LYST: variants seen among roughly 807,000 people sequenced by gnomAD.
The protein encoded by LYST is lysosomal-trafficking regulator.
LYST carries 192 observed loss-of-function variants against 413.6 expected under a neutral mutation model. That is an observed-to-expected ratio of 0.46 (90% CI 0.41 to 0.52). LYST has a LOEUF of 0.52. Among genes scored for constraint, LYST ranks in the 20% least tolerant of loss-of-function variants. LYST has a pLI of 0.00. For synonymous variants in LYST, 1,525 were observed against 1,567.3 expected (o/e 0.97, Z 0.64); for missense variants, 3,815 against 4,499.9 (o/e 0.85, Z 4.35).
At chr1:235,797,750 C>A (rs1476137316) in intron 10 of LYST, among the ~76,000 whole-genome samples, 1 of 151,852 alleles carries the variant, frequency 6.6e-6, no homozygotes, top group Non-Finnish European at 1.5e-5. Flanking sequence ...AAAGGTACAG[C>A]AAACTAAATA....
intron 1 of LYST, among the ~76,000 whole-genome samples, chr1:235,863,149 G>T (rs1346286915): frequency 6.6e-6 from 1 of 152,074 alleles, no homozygotes; most frequent in South Asian, 2.1e-4. Context: ...TCCAGGCACA[G>T]TTGGGGGCCG....
rs533978570 is a variant in LYST at position 235,773,883 on chromosome 1, C to T, written c.5743G>A (p.Glu1915Lys). The change falls in exon 19 of 53, where the codon GAG becomes AAG. Residue 1915 changes from glutamate (E) to lysine (K), a missense_variant. Glu to Lys is a moderately conservative substitution (Grantham distance 56). Around this residue, in one of 4 missense-constraint regions of LYST, gnomAD observed 530 missense variants for 696.5 expected, o/e 0.76. Coordinates refer to ENST00000389793, the MANE Select transcript of LYST (RefSeq NM_000081.4). Reference sequence around the variant, plus strand: ...ATCTTCCAGTCAAGCAATAGTTCCTCTAACAGCTTAACATCTTGGATTATA... The same window carrying T: ...ATCTTCCAGTCAAGCAATAGTTCCTTTAACAGCTTAACATCTTGGATTATA... ...NAIIQDVKLLEELLLDWKIWS... is the reference protein window; with the variant it reads ...NAIIQDVKLLKELLLDWKIWS... 2.5e-6 allele frequency: 4 copies of T among 1,612,162 alleles called. No homozygotes were observed. Among genetic ancestry groups the T allele is most frequent in the Non-Finnish European group, 3.4e-6 (4 of 1,178,360 alleles).
At chr1:235,736,561 G>A (rs182605887) in intron 31 of LYST, 3 of 152,254 alleles carry the variant, frequency 2.0e-5, no homozygotes, top group African/African-American at 7.2e-5. Flanking sequence ...TCAGCAGGCT[G>A]GAGAGTTAAT....
At chr1:235,745,929 A>G (rs1402314411) in intron 29 of LYST, among the ~76,000 whole-genome samples, 2 of 152,128 alleles carry the variant, frequency 1.3e-5, no homozygotes, top group African/African-American at 4.8e-5. Flanking sequence ...GCAATATGAG[A>G]GATCCTTGTG....
intron 31 of LYST, 38 bp from the exon 32 acceptor site, chr1:235,734,697 T>G (rs1389421320): frequency 1.4e-6 from 2 of 1,399,550 alleles, no homozygotes; most frequent in Non-Finnish European, 1.0e-6. Flanking sequence ...CATTTAGAAT[T>G]TTAATTCTTA....
intron 5 of LYST, 127 bp from the exon 6 acceptor site, chr1:235,806,899 T>C (rs904570858): frequency 3.0e-5 from 21 of 688,672 alleles, no homozygotes; most frequent in African/African-American, 1.1e-4. Context: ...ATTTTATTCA[T>C]CAATTATCAG....
chr1:235,738,627 T>G (rs754344647), intron 31 of LYST: 4 of 1,608,114 alleles, frequency 2.5e-6, no homozygotes, highest in Non-Finnish European at 3.4e-6. Flanking sequence ...TACTGGTGTC[T>G]CCCTCAAGAC....
At chr1:235,668,260 A>G (rs935526837) in intron 50 of LYST, among the ~76,000 whole-genome samples, 6 of 152,116 alleles carry the variant, frequency 3.9e-5, no homozygotes, top group African/African-American at 1.4e-4. Context: ...TAAATAGTCA[A>G]AATTTTTGAT....
intron 1 of LYST, among the ~76,000 whole-genome samples, chr1:235,863,848 A>G (rs1179649846): frequency 6.6e-6 from 1 of 152,190 alleles, no homozygotes; most frequent in Non-Finnish European, 1.5e-5. Flanking sequence ...TGCTTGGCCA[A>G]ACTTACTCAG....
intron 1 of LYST, among the ~76,000 whole-genome samples, chr1:235,873,545 C>G (rs563116848): frequency 3.3e-5 from 5 of 152,302 alleles, no homozygotes; most frequent in African/African-American, 1.2e-4. Context: ...AGTAGACACA[C>G]ACACAAACAC....
rs541955908 is a variant in LYST, at chr1:235,753,399, G to A, written c.7230-125C>T. The A allele has an allele frequency of 4.5e-6, 3 of 661,714 alleles. No homozygotes were observed. The South Asian group carries it at 5.2e-5, about 12-fold the overall frequency. The allele number at this position is 661,714 out of a possible 1,614,324, so 41.0% of individuals were successfully genotyped here. A position where few individuals can be genotyped will look rare whatever the true frequency, so the allele number is the denominator to read the frequency against. On this transcript the variant is annotated intron_variant, in intron 25 of 52. Transcript: ENST00000389793. ...CATAAAAACAAGTTGGGGGAGTAAG[G>A]ATTCTTAACCTGTTTTTAAAATGAC...
At chr1:235,701,618 ACTCAT>A (rs1661558847) in intron 45 of LYST, among the ~76,000 whole-genome samples, 1 of 152,096 alleles carries the variant, frequency 6.6e-6, no homozygotes. Flanking sequence ...ACAGAGCGAG[ACTCAT>A]CTCAATCAAT....
At chr1:235,821,208 G>T (rs547475701) in intron 3 of LYST, among the ~76,000 whole-genome samples, 13 of 152,298 alleles carry the variant, frequency 8.5e-5, no homozygotes, top group South Asian at 4.1e-4. Context: ...GAGGCCAAGG[G>T]GGGTGGTTGC....
At chr1:235,677,395 G>C in intron 49 of LYST, 85 bp downstream of exon 49, 5 of 1,369,988 alleles carry the variant, frequency 3.6e-6, no homozygotes, top group Middle Eastern at 2.2e-4. Context: ...ATAACGTAAA[G>C]ACATTATTTT....
chr1:235,693,126 T>C (rs548004390), intron 47 of LYST, among the ~76,000 whole-genome samples: 2 of 152,124 alleles, frequency 1.3e-5, no homozygotes, highest in South Asian at 2.1e-4. Flanking sequence ...CCATCCTTGC[T>C]AACACGATGA....
chr1:235,682,973 TA>T (rs1357899300), intron 48 of LYST, among the ~76,000 whole-genome samples: 1 of 152,226 alleles, frequency 6.6e-6, no homozygotes, highest in Non-Finnish European at 1.5e-5. Context: ...CCTAAAGTTT[TA>T]GGTCATTCTC....
chr1:235,875,238 A>G (rs1460003103), intron 1 of LYST, among the ~76,000 whole-genome samples: 1 of 152,130 alleles, frequency 6.6e-6, no homozygotes, highest in Non-Finnish European at 1.5e-5. Context: ...TGGGTGGAGG[A>G]AGATGATTTG....
intron 31 of LYST, chr1:235,738,077 T>C: frequency 6.2e-7 from 1 of 1,601,444 alleles, no homozygotes. Context: ...TTACAGTTGT[T>C]GGGGTTGGTG....
At chr1:235,826,155 T>C (rs372417775) in intron 3 of LYST, among the ~76,000 whole-genome samples, 16 of 152,348 alleles carry the variant, frequency 1.1e-4, no homozygotes, top group East Asian at 3.9e-4. Flanking sequence ...AGAGAGGATA[T>C]AGAACTGGAA....
Sources: gnomAD v4.1 joint callset for allele counts (sites outside exome capture counted in the v4.1 genomes callset) on GRCh38, gnomAD v4.1.1 for gene constraint, gnomAD v4.1.1 regional missense constraint, MANE v1.5 for transcripts, NCBI Gene and HGNC (gene_info 2026-07-23, HGNC 2026-07-21) for gene names.